Variants in PHF21B observed in about 807,000 individuals in gnomAD.
The protein encoded by PHF21B is PHD finger protein 21B.
Under a neutral mutation model 62.2 loss-of-function variants are expected in PHF21B, and 22 were observed. The observed-to-expected ratio is 0.35, with a 90% confidence interval of 0.25 to 0.51. The LOEUF is 0.51. Ranked by LOEUF, PHF21B falls within the 20% of genes least tolerant of loss-of-function variation. The probability of loss-of-function intolerance (pLI) is 0.97; values close to 1 mark genes in which losing one functional copy is unlikely to be tolerated. For missense variants in PHF21B, 701 were observed against 707.9 expected (o/e 0.99, Z 0.11); for synonymous variants, 341 against 314.7 (o/e 1.08, Z -0.88).
intron 2 of PHF21B, among the ~76,000 whole-genome samples, chr22:44,978,118 AG>A (rs1278516742): frequency 6.6e-6 from 1 of 152,096 alleles, no homozygotes; most frequent in African/African-American, 2.4e-5. Flanking sequence ...CAGGCCTCCC[AG>A]GACACGTGTG....
At chr22:44,907,455 C>T (rs1026988768) in intron 5 of PHF21B, among the ~76,000 whole-genome samples, 11 of 152,194 alleles carry the variant, frequency 7.2e-5, no homozygotes, top group African/African-American at 1.2e-4. Context: ...TTCAGCGTCC[C>T]GCACGTGCCT....
At chr22:44,928,502 C>T (rs577724296) in intron 2 of PHF21B, among the ~76,000 whole-genome samples, 4 of 152,262 alleles carry the variant, frequency 2.6e-5, no homozygotes, top group Admixed American at 6.5e-5. Flanking sequence ...CTCTGCTTCC[C>T]GGGTTCAAGT....
chr22:44,940,329 C>T (rs1056247043), intron 2 of PHF21B, among the ~76,000 whole-genome samples: 6 of 152,230 alleles, frequency 3.9e-5, no homozygotes, highest in African/African-American at 7.2e-5. Context: ...GCCAATGCCA[C>T]GTCCCTAATT....
intron 2 of PHF21B, among the ~76,000 whole-genome samples, chr22:44,980,432 C>T (rs2072819526): frequency 6.6e-6 from 1 of 152,210 alleles, no homozygotes; most frequent in African/African-American, 2.4e-5. Context: ...GGTTACCGGG[C>T]ATCACCACAC....
At chr22:45,007,882 C>T (rs1285490492) in intron 2 of PHF21B, among the ~76,000 whole-genome samples, 1 of 151,492 alleles carries the variant, frequency 6.6e-6, no homozygotes, top group Non-Finnish European at 1.5e-5. Flanking sequence ...TCACAATGGA[C>T]AACTTTTCCT....
At chr22:45,008,001 C>G (rs532630600) in intron 2 of PHF21B, among the ~76,000 whole-genome samples, 2 of 151,746 alleles carry the variant, frequency 1.3e-5, no homozygotes, top group African/African-American at 2.4e-5. Context: ...TGGAGCAGAA[C>G]TGGGGAGTCC....
chr22:44,894,807 C>T (rs2071028296), intron 6 of PHF21B, among the ~76,000 whole-genome samples: 1 of 152,148 alleles, frequency 6.6e-6, no homozygotes, highest in African/African-American at 2.4e-5. Flanking sequence ...AGAGGGCTGT[C>T]TTCTCGGAGC....
chr22:44,909,122 T>G (rs1293421698), intron 5 of PHF21B, among the ~76,000 whole-genome samples: 1 of 152,220 alleles, frequency 6.6e-6, no homozygotes, highest in Non-Finnish European at 1.5e-5. Flanking sequence ...AAATAAACTT[T>G]AATAAGGATT....
intron 10 of PHF21B, 35 bp from the exon 11 acceptor site, chr22:44,885,973 G>A: frequency 6.2e-7 from 1 of 1,603,578 alleles, no homozygotes; most frequent in Non-Finnish European, 8.5e-7. Context: ...AAAGTGGACA[G>A]GCCCTGGGAC....
At chr22:44,977,989 C>T (rs1037106253) in intron 2 of PHF21B, among the ~76,000 whole-genome samples, 1 of 152,160 alleles carries the variant, frequency 6.6e-6, no homozygotes, top group South Asian at 2.1e-4. Flanking sequence ...GGTTGTTGCA[C>T]GTGGCCTCAC....
chr22:44,972,452 G>A lies in PHF21B; in HGVS notation c.120+36093C>T, dbSNP rs887478924. 3.9e-5 allele frequency among the ~76,000 whole-genome samples: 6 copies of A among 152,154 alleles called. No individual in the cohort carries two copies. The East Asian group carries it at 5.8e-4, about 15-fold the overall frequency. On this transcript the variant is annotated intron_variant, in intron 2 of 12. Coordinates refer to ENST00000313237, the MANE Select transcript of PHF21B (RefSeq NM_138415.5). ...GGCGGACGCTGCTGCTCAGTGGAAC[G>A]AGGAAGCCGAAAACCGAGTGTTGGC... is the stretch of plus-strand genomic sequence containing the variant.
At chr22:45,001,371 T>A (rs1311669859) in intron 2 of PHF21B, 1 of 152,302 alleles carries the variant, frequency 6.6e-6, no homozygotes, top group Non-Finnish European at 1.5e-5. Flanking sequence ...CAGCAGCGAG[T>A]GTGCAATCTG....
At chr22:44,942,047 C>T (rs1234144103) in intron 2 of PHF21B, among the ~76,000 whole-genome samples, 2 of 152,178 alleles carry the variant, frequency 1.3e-5, no homozygotes, top group South Asian at 4.1e-4. Context: ...GGGGGGAATG[C>T]GGCCCTGGGG....
intron 8 of PHF21B, 86 bp downstream of exon 8, chr22:44,891,220 C>T: frequency 6.7e-7 from 1 of 1,492,206 alleles, no homozygotes; most frequent in Non-Finnish European, 9.2e-7. Context: ...GGCAGCCCTG[C>T]CCAGGCCCAG....
chr22:45,008,397 G>T, intron 2 of PHF21B, 148 bp downstream of exon 2: 1 of 657,606 alleles, frequency 1.5e-6, no homozygotes, highest in Non-Finnish European at 2.2e-6. Context: ...CCAGGAAAGG[G>T]GAGGGGTGGG....
At chr22:44,986,631 G>A (rs1473994835) in intron 2 of PHF21B, among the ~76,000 whole-genome samples, 1 of 151,912 alleles carries the variant, frequency 6.6e-6, no homozygotes, top group African/African-American at 2.4e-5. Flanking sequence ...TGAGTCAGGA[G>A]ATGAGACTGA....
chr22:44,963,765 A>C (rs1232509651), intron 2 of PHF21B, among the ~76,000 whole-genome samples: 9 of 152,320 alleles, frequency 5.9e-5, no homozygotes, highest in Middle Eastern at 3.4e-3. Flanking sequence ...TGAAGGACAA[A>C]CACCACCAAA....
chr22:44,931,893 A>G (rs540156517), intron 2 of PHF21B, among the ~76,000 whole-genome samples: 2 of 152,254 alleles, frequency 1.3e-5, no homozygotes, highest in East Asian at 3.9e-4. Flanking sequence ...AATCCCTCCC[A>G]CCGTGGGCCC....
intron 2 of PHF21B, among the ~76,000 whole-genome samples, chr22:44,954,975 C>T (rs765789180): frequency 6.6e-6 from 1 of 152,206 alleles, no homozygotes; most frequent in East Asian, 1.9e-4. Flanking sequence ...AACAGGACCT[C>T]GGGGTGGCAG....
Sources: gnomAD v4.1 joint callset for allele counts (sites outside exome capture counted in the v4.1 genomes callset) on GRCh38, gnomAD v4.1.1 for gene constraint, MANE v1.5 for transcripts, NCBI Gene and HGNC (gene_info 2026-07-23, HGNC 2026-07-21) for gene names.